The following CACNA2D1 variants were observed in gnomAD, a reference collection of about 807,000 sequenced individuals.
CACNA2D1 encodes the protein calcium voltage-gated channel auxiliary subunit alpha2delta 1.
CACNA2D1 carries 53 observed loss-of-function variants against 171.5 expected under a neutral mutation model. The observed-to-expected ratio is 0.31, with a 90% confidence interval of 0.25 to 0.39. The LOEUF (loss-of-function observed/expected upper bound fraction) is 0.39. CACNA2D1 is among the 10% of genes least tolerant of loss of function. The probability of loss-of-function intolerance (pLI) is 1.00; values close to 1 mark genes in which losing one functional copy is unlikely to be tolerated. For missense variants in CACNA2D1, 903 were observed against 1,299.8 expected, an observed-to-expected ratio of 0.69 and a Z score of 4.69; for synonymous variants, 442 against 443.1, an observed-to-expected ratio of 1.00 and a Z score of 0.03.
At chr7:82,331,812 TA>T (rs1468705726) in intron 3 of CACNA2D1, among the ~76,000 whole-genome samples, 1 of 152,308 alleles carries the variant, frequency 6.6e-6, no homozygotes, top group African/African-American at 2.4e-5. Flanking sequence ...ACCTGCTTCC[TA>T]CATCCAGAAG....
At chr7:82,103,940 G>A (rs1385428122) in intron 6 of CACNA2D1, among the ~76,000 whole-genome samples, 1 of 151,864 alleles carries the variant, frequency 6.6e-6, no homozygotes, top group East Asian at 1.9e-4. Flanking sequence ...TACACACAGA[G>A]GGAGGCTGCA....
intron 1 of CACNA2D1, among the ~76,000 whole-genome samples, chr7:82,368,522 T>G (rs1821999841): frequency 6.6e-6 from 1 of 152,224 alleles, no homozygotes; most frequent in Admixed American, 6.5e-5. Flanking sequence ...CATGTACTAT[T>G]TTACTTTACT....
At chr7:82,255,577 A>G (rs575417617) in intron 3 of CACNA2D1, among the ~76,000 whole-genome samples, 3 of 152,342 alleles carry the variant, frequency 2.0e-5, no homozygotes, top group Non-Finnish European at 4.4e-5. Flanking sequence ...ATCTGCCTGC[A>G]GGCAGAACTT....
At chr7:82,370,086 A>G (rs1393700460) in intron 1 of CACNA2D1, among the ~76,000 whole-genome samples, 1 of 152,086 alleles carries the variant, frequency 6.6e-6, no homozygotes, top group Non-Finnish European at 1.5e-5. Context: ...TGTGAAAAAA[A>G]TACTTAATGT....
intron 1 of CACNA2D1, among the ~76,000 whole-genome samples, chr7:82,380,131 G>A (rs1317708056): frequency 6.6e-6 from 1 of 152,054 alleles, no homozygotes; most frequent in Admixed American, 6.5e-5. Flanking sequence ...TCCTATCACA[G>A]TATCCATGAA....
rs193170451 is a variant in CACNA2D1, at chr7:82,416,239, T to C, written c.95+27126A>G. Among the ~76,000 whole-genome samples, 538 of 151,820 alleles carry C rather than the reference T, an allele frequency of 3.5e-3. 4 individuals are homozygous for C. The highest frequency in any genetic ancestry group is 6.6e-3 in the Non-Finnish European group (446 of 67,890). On this transcript the variant is annotated intron_variant, in intron 1 of 38. Transcript: ENST00000356860. ...CAAAAAATAATAATAATAATAATAA[T>C]AAAGAATTTAAAAATCTCATTTAAA...
At chr7:82,302,389 C>G (rs1260281115) in intron 3 of CACNA2D1, among the ~76,000 whole-genome samples, 4 of 151,514 alleles carry the variant, frequency 2.6e-5, no homozygotes, top group Non-Finnish European at 4.4e-5. Context: ...TACACAAATC[C>G]TCATCTCCAT....
chr7:81,971,948 C>T (rs1795325486), intron 25 of CACNA2D1, 84 bp from the exon 26 acceptor site: 2 of 846,486 alleles, frequency 2.4e-6, no homozygotes, highest in South Asian at 1.4e-5. Context: ...TTTCCAAAAG[C>T]AATTTAGAGT....
intron 7 of CACNA2D1, among the ~76,000 whole-genome samples, chr7:82,082,967 C>A (rs1046960839): frequency 6.6e-6 from 1 of 151,906 alleles, no homozygotes; most frequent in Non-Finnish European, 1.5e-5. Flanking sequence ...GTTCATAATA[C>A]AACTTATCTT....
chr7:82,123,909 G>C (rs1311220487), intron 5 of CACNA2D1, among the ~76,000 whole-genome samples: 1 of 151,910 alleles, frequency 6.6e-6, no homozygotes, highest in East Asian at 1.9e-4. Context: ...TAGAGAATAA[G>C]CATATGTATA....
Position 82,117,132 on chromosome 7 carries a change from T to G in CACNA2D1, c.438A>C (p.Lys146Asn). The G allele has an allele frequency of 6.2e-7, 1 of 1,613,844 alleles. No homozygotes were observed. Among genetic ancestry groups the G allele is most frequent in the Non-Finnish European group, 8.5e-7 (1 of 1,179,858 alleles). Residue 146 changes from lysine to asparagine, a missense_variant, in exon 6 of 39, where the codon AAA becomes AAC. This residue lies in a region of CACNA2D1 where 189 missense variants were observed against 266.8 expected (regional missense o/e 0.71). Transcript: ENST00000356860. The part of the protein sequence containing the change: ...NDSEPGSQRI[K>N]PVFIEDANFG... ...AATTAGCATCTTCAATGAAAACAGG[T>G]TTTATCCTCTGGCTGCCTGGCTCAC...
chr7:82,432,037 T>TAAA (rs34180150), intron 1 of CACNA2D1, among the ~76,000 whole-genome samples: 12,667 of 81,984 alleles, frequency 0.15, 1,206 homozygotes, highest in East Asian at 0.3. Context: ...GACTCTGTCT[T>TAAA]AAAAAAAAAA....
chr7:82,127,209 C>G (rs1790428418), intron 5 of CACNA2D1, among the ~76,000 whole-genome samples: 1 of 152,258 alleles, frequency 6.6e-6, no homozygotes, highest in South Asian at 2.1e-4. Context: ...GATGAGACAA[C>G]ACTGTCCACT....
At position 82,110,956 on chromosome 7, in the gene CACNA2D1, C is replaced by T. The variant is rs181332380; in HGVS notation, c.526+6088G>A. 8.5e-4 allele frequency among the ~76,000 whole-genome samples: 129 copies of T among 152,174 alleles called. 1 individual carries two copies. Among genetic ancestry groups the T allele is most frequent in the African/African-American group, 3.0e-3 (123 of 41,532 alleles). ...CCACTCCCCTCCAATAGAATGCAGGCTCCATGAGTACAGAGAATTTTGACC... is the reference window on the plus strand; with the variant it reads ...CCACTCCCCTCCAATAGAATGCAGGTTCCATGAGTACAGAGAATTTTGACC... On this transcript the variant is annotated intron_variant, in intron 6 of 38. Transcript: ENST00000356860.
chr7:82,376,441 T>C (rs1433979669), intron 1 of CACNA2D1, among the ~76,000 whole-genome samples: 1 of 152,186 alleles, frequency 6.6e-6, no homozygotes, highest in African/African-American at 2.4e-5. Context: ...GAAACAACCA[T>C]GAGATAAAAT....
At chr7:82,150,316 CTTT>C in intron 4 of CACNA2D1, among the ~76,000 whole-genome samples, 1 of 128,580 alleles carries the variant, frequency 7.8e-6, no homozygotes, top group East Asian at 2.4e-4. Context: ...GGTTCATCTA[CTTT>C]TTTTTTCCCC....
chr7:82,429,255 T>C (rs899481267), intron 1 of CACNA2D1, among the ~76,000 whole-genome samples: 1 of 152,220 alleles, frequency 6.6e-6, no homozygotes, highest in African/African-American at 2.4e-5. Flanking sequence ...ATATAAATCA[T>C]TATAATATAT....
chr7:82,311,838 A>G (rs1585440615), intron 3 of CACNA2D1, among the ~76,000 whole-genome samples: 2 of 152,172 alleles, frequency 1.3e-5, no homozygotes, highest in South Asian at 4.1e-4. Flanking sequence ...ACACCAACAG[A>G]CTTGGAAAAA....
intron 1 of CACNA2D1, among the ~76,000 whole-genome samples, chr7:82,438,870 C>A (rs1455682288): frequency 6.6e-6 from 1 of 152,160 alleles, no homozygotes; most frequent in Admixed American, 6.6e-5. Context: ...GGACCGTTGT[C>A]ATTTTAATAA....
Sources: gnomAD v4.1 joint callset for allele counts (sites outside exome capture counted in the v4.1 genomes callset) on GRCh38, gnomAD v4.1.1 for gene constraint, gnomAD v4.1.1 regional missense constraint, MANE v1.5 for transcripts, NCBI Gene and HGNC (gene_info 2026-07-23, HGNC 2026-07-21) for gene names.